Variants in NELFCD observed in about 807,000 individuals in gnomAD.
The protein encoded by NELFCD is negative elongation factor C/D.
A neutral mutation model predicts 72.9 loss-of-function variants in NELFCD; 48 were observed. The observed-to-expected ratio is 0.66, with a 90% CI of 0.52 to 0.84. NELFCD has a LOEUF of 0.84. Ranked by LOEUF, NELFCD falls within the 40% of genes least tolerant of loss-of-function variation. NELFCD has a pLI of 0.00. For synonymous variants in NELFCD, 297 were observed against 280.6 expected (o/e 1.06, Z -0.59); for missense variants, 538 against 723.8 (o/e 0.74, Z 2.94).
intron 10 of NELFCD, 127 bp from the exon 11 acceptor site, chr20:58,992,869 GTT>G: frequency 1.6e-6 from 1 of 632,268 alleles, no homozygotes; most frequent in Non-Finnish European, 2.8e-6. Context: ...AAAAAAAAGG[GTT>G]GGGGGGCGTA....
In NELFCD at chr20:58,981,304, G is replaced by A. The variant is rs757739683; in HGVS notation, c.-6G>A. On this transcript the variant is annotated 5_prime_UTR_variant, in exon 1 of 15. Transcript: ENST00000652272. ...GGGCATGGCGGGGGCCGTGCCGGGCGCCATCATGGACGAGGACTACTACGG... is the reference window on the plus strand; with the variant it reads ...GGGCATGGCGGGGGCCGTGCCGGGCACCATCATGGACGAGGACTACTACGG... The A allele has an allele frequency of 2.0e-5, 22 of 1,083,012 alleles. No individual in the cohort carries two copies. In the East Asian group the frequency reaches 3.0e-4, roughly 15 times the overall value. 67.1% of individuals were successfully genotyped at this position (1,083,012 alleles called of 1,614,324 possible).
chr20:58,991,829 C>G, intron 9 of NELFCD, 52 bp from the exon 10 acceptor site: 1 of 1,595,206 alleles, frequency 6.3e-7, no homozygotes, highest in Non-Finnish European at 8.6e-7. Flanking sequence ...AACACCCCGA[C>G]AGCAGGGATA....
chr20:58,991,856 C>G, intron 9 of NELFCD, 25 bp from the exon 10 acceptor site: 2 of 1,611,588 alleles, frequency 1.2e-6, no homozygotes, highest in South Asian at 1.1e-5. Context: ...CTGTCAGGCT[C>G]ACCAGCTTGT....
intron 9 of NELFCD, 158 bp downstream of exon 9, chr20:58,991,604 TC>T: frequency 1.2e-6 from 1 of 857,766 alleles, no homozygotes; most frequent in Non-Finnish European, 1.8e-6. Context: ...ACTAAACGTC[TC>T]CAGAAAATGT....
rs1234920039 is a variant in NELFCD, at chr20:58,994,770, C to T, written c.*94C>T. The stretch of plus-strand genomic sequence containing the variant: ...CTGTTTTAAGAGGCTCGGGCAGCGT[C>T]TTGAAAATGGGCACCGCTGGGAGGA... On this transcript the variant is annotated 3_prime_UTR_variant, in exon 15 of 15. Transcript: ENST00000652272. The T allele has an allele frequency of 1.9e-6, 2 of 1,032,934 alleles. No individual in the cohort carries two copies. The highest frequency in any genetic ancestry group is 3.2e-5 in the African/African-American group (2 of 62,484). The allele number at this position is 1,032,934 out of a possible 1,614,324, so 64.0% of individuals were successfully genotyped here.
Position 58,988,913 on chromosome 20 carries a change from G to T in NELFCD, c.397-1G>T. The stretch of plus-strand genomic sequence containing the variant: ...CTTGCTGTTTGTGTGTGTGTTGGCA[G>T]ACCCCAGCGTGGCTGGAACAGATGA... On this transcript the variant is annotated splice_acceptor_variant, in intron 4 of 14. Transcript: ENST00000652272. LOFTEE classifies it high-confidence loss of function. 6.2e-7 allele frequency: 1 copy of T among 1,612,038 alleles called. No homozygotes were observed. Among genetic ancestry groups the T allele is most frequent in the South Asian group, 1.1e-5 (1 of 90,984 alleles).
At position 58,989,953 on chromosome 20, in the gene NELFCD, G is replaced by T. The variant is rs773533500; in HGVS notation, c.753G>T (p.Arg251Ser). 3.1e-6 allele frequency: 5 copies of T among 1,613,858 alleles called. No homozygotes were observed. The highest frequency in any genetic ancestry group is 3.4e-6 in the Non-Finnish European group (4 of 1,180,042). Residue 251 changes from arginine (R) to serine (S), a missense_variant, in exon 7 of 15, where the codon AGG becomes AGT. By Grantham distance (110) the Arg-to-Ser change is moderately radical. Coordinates refer to ENST00000652272, the MANE Select transcript of NELFCD (RefSeq NM_198976.4). ...AGCAGGGGGGCTCCGCTGTGCGCAG[G>T]ATCGCCCAGGAAGTGCAGCGCTTTG... ...QEEQGGSAVR[R>S]IAQEVQRFAQ...
Position 58,993,818 on chromosome 20 carries a change from C to T in NELFCD, c.1581+54C>T. ...TCATACTGTTTACACTAGCACTGCC[C>T]TTTTTGGCTTAATTTAGTTCATTTT... On this transcript the variant is annotated intron_variant, in intron 13 of 14. Transcript: ENST00000652272. This position sits in a 1 kb window ranked among gnomAD's most constrained non-coding sequence, Gnocchi z 5.0. The T allele has an allele frequency of 6.3e-7, 1 of 1,580,672 alleles. No individual in the cohort carries two copies. Among genetic ancestry groups the T allele is most frequent in the Non-Finnish European group, 8.6e-7 (1 of 1,157,302 alleles).
Position 58,994,153 on chromosome 20 carries a change from A to G in NELFCD, c.1625A>G (p.Gln542Arg), listed in dbSNP as rs142546785. The change falls in exon 14 of 15, where the codon CAA becomes CGA. Residue 542 changes from glutamine to arginine, a missense_variant. Physicochemically the swap from Gln to Arg is conservative, Grantham distance 43 (BLOSUM62 1). This residue lies in a region of NELFCD where 136 missense variants were observed against 154.0 expected (regional missense o/e 0.88). Transcript: ENST00000652272. ...CCTCCTTATACCTCTGACTTCGTGC[A>G]ACTTTTCCTCCCCATCCTGGAGAAT... ...IAPPYTSDFV[Q>R]LFLPILENDS... 1 of 1,614,190 alleles carries G rather than the reference A, an allele frequency of 6.2e-7. No individual in the cohort carries two copies. Among genetic ancestry groups the G allele is most frequent in the Non-Finnish European group, 8.5e-7 (1 of 1,180,024 alleles).
At chr20:58,990,093 A>G (rs567963319) in intron 7 of NELFCD, 105 bp downstream of exon 7, 65 of 1,461,962 alleles carry the variant, frequency 4.4e-5, no homozygotes, top group Non-Finnish European at 5.7e-5. Flanking sequence ...CTTCTGTTCA[A>G]CGTAGAGGTA....
chr20:58,989,166 GAA>G, intron 5 of NELFCD, 145 bp downstream of exon 5: 1 of 657,674 alleles, frequency 1.5e-6, no homozygotes, highest in Admixed American at 2.9e-5. Flanking sequence ...CACTGAGAAA[GAA>G]AAGTGTAAAA....
At chr20:58,981,474 GC>G (rs2146345425) in intron 1 of NELFCD, 105 bp downstream of exon 1, 2 of 354,776 alleles carry the variant, frequency 5.6e-6, no homozygotes, top group Non-Finnish European at 8.0e-6. Flanking sequence ...CTGCGGGCGT[GC>G]GGGGGGTGTG....
rs976864945 is a variant in NELFCD, at chr20:58,994,979, G to A, written c.*303G>A. 3.1e-6 allele frequency: 1 copy of A among 320,604 alleles called. No homozygotes were observed. Among genetic ancestry groups the A allele is most frequent in the Non-Finnish European group, 5.7e-6 (1 of 176,012 alleles). The allele number at this position is 320,604 out of a possible 1,614,324, so 19.9% of individuals were successfully genotyped here. ...GGACAGATCTGGCCGTCAGCCGCGG[G>A]CCGCTGGGAACTCCACTCGGGGAAC... On this transcript the variant is annotated 3_prime_UTR_variant, in exon 15 of 15. Coordinates refer to ENST00000652272, the MANE Select transcript of NELFCD (RefSeq NM_198976.4).
At position 58,993,607 on chromosome 20, in the gene NELFCD, T is replaced by G. The variant is rs765173460; in HGVS notation, c.1441-17T>G. 6.2e-7 allele frequency: 1 copy of G among 1,614,150 alleles called. No homozygotes were observed. The highest frequency in any genetic ancestry group is 8.5e-7 in the Non-Finnish European group (1 of 1,180,008). The stretch of plus-strand genomic sequence containing the variant: ...AGGACCCTCTCTAACCAGCTCCCTG[T>G]CCCCCTTCTTCTGTAGCTTGAGTTG... On this transcript the variant is annotated splice_polypyrimidine_tract_variant and intron_variant, in intron 12 of 14. Transcript: ENST00000652272. This position sits in a 1 kb window ranked among gnomAD's most constrained non-coding sequence, Gnocchi z 5.0.
intron 4 of NELFCD, among the ~76,000 whole-genome samples, chr20:58,988,433 G>A (rs56172300): frequency 8.4e-4 from 128 of 152,274 alleles, no homozygotes; most frequent in Admixed American, 1.3e-3. Flanking sequence ...GAGCAGCCTC[G>A]GGGAGCTGGC....
In NELFCD at chr20:58,986,573, G is replaced by A; in HGVS notation, c.177-181G>A. On this transcript the variant is annotated intron_variant, in intron 2 of 14. Transcript: ENST00000652272. This position sits in a 1 kb window ranked among gnomAD's most constrained non-coding sequence, Gnocchi z 4.4. ...GCCCTGGCTGCTCTTGAACTCCTAG[G>A]CTCAAGTGATTCTCCCACCTCTGCC... The A allele has an allele frequency of 1.6e-6, 1 of 633,906 alleles. No homozygotes were observed. The highest frequency in any genetic ancestry group is 2.8e-6 in the Non-Finnish European group (1 of 358,494). 39.3% of individuals were successfully genotyped at this position (633,906 alleles called of 1,614,324 possible).
Position 58,994,662 on chromosome 20 carries a change from AT to A in NELFCD, c.1733del (p.Ile578ThrfsTer3). 1 of 1,612,242 alleles carries A rather than the reference AT, an allele frequency of 6.2e-7. No homozygotes were observed. Among genetic ancestry groups the A allele is most frequent in the Non-Finnish European group, 8.5e-7 (1 of 1,178,380 alleles). On this transcript the variant is annotated frameshift_variant, in exon 15 of 15. Coordinates refer to ENST00000652272, the MANE Select transcript of NELFCD (RefSeq NM_198976.4). LOFTEE classifies it high-confidence loss of function. The stretch of plus-strand genomic sequence containing the variant: ...TAAAGCTCACTGCAAATCTAACTTC[AT>A]CATGGTGAACTAATTTAGAGCATCC... ...EFIAHCKSNFIMVN is the reference protein window; with the variant it reads ...EFIAHCKSNFXMVN
intron 1 of NELFCD, among the ~76,000 whole-genome samples, chr20:58,984,230 C>A (rs528539395): frequency 6.6e-6 from 1 of 151,982 alleles, no homozygotes; most frequent in African/African-American, 2.4e-5. Flanking sequence ...GAGGTCAGAA[C>A]GGACAGGGGA....
chr20:58,987,912 G>A, intron 4 of NELFCD, 95 bp downstream of exon 4: 5 of 877,736 alleles, frequency 5.7e-6, no homozygotes, highest in East Asian at 2.5e-5. Context: ...GTAAGTAATG[G>A]CAGAGTTGAG....
Sources: gnomAD v4.1 joint callset for allele counts (sites outside exome capture counted in the v4.1 genomes callset) on GRCh38, gnomAD v4.1.1 for gene constraint, gnomAD v4.1.1 regional missense constraint, Gnocchi (gnomAD v3.1) non-coding constraint, MANE v1.5 for transcripts, NCBI Gene and HGNC (gene_info 2026-07-23, HGNC 2026-07-21) for gene names.